Variants in ATP2B2 observed in about 807,000 individuals in gnomAD.
ATP2B2 encodes ATPase plasma membrane Ca2+ transporting 2, also known as plasma membrane calcium-transporting ATPase 2.
Under a neutral mutation model 120.0 loss-of-function variants are expected in ATP2B2, and 15 were observed. The ratio of observed to expected loss-of-function variants is 0.12; its 90% CI spans 0.08 to 0.19. The LOEUF (loss-of-function observed/expected upper bound fraction) is 0.19. Ranked by LOEUF, ATP2B2 falls within the 10% of genes least tolerant of loss-of-function variation. The pLI, the probability that ATP2B2 is intolerant of heterozygous loss-of-function variation, is 1.00. For synonymous variants in ATP2B2, 694 were observed against 700.3 expected (o/e 0.99, Z 0.14); for missense variants, 1,045 against 1,719.8 (o/e 0.61, Z 6.94).
chr3:10,477,913 T>A (rs544195835), intron 1 of ATP2B2, among the ~76,000 whole-genome samples: 1 of 152,354 alleles, frequency 6.6e-6, no homozygotes, highest in South Asian at 2.1e-4. Flanking sequence ...AGTAGTGGAA[T>A]TGCTGGATCG....
chr3:10,665,711 C>T (rs535936397), intron 1 of ATP2B2, among the ~76,000 whole-genome samples: 35 of 152,222 alleles, frequency 2.3e-4, no homozygotes, highest in Non-Finnish European at 2.8e-4. Context: ...AAAATTTAGG[C>T]TCAGCTCCCC....
chr3:10,705,290 C>T (rs1048385394), intron 1 of ATP2B2, among the ~76,000 whole-genome samples: 35 of 152,234 alleles, frequency 2.3e-4, no homozygotes, highest in Admixed American at 1.7e-3. Context: ...AGACCTAACT[C>T]TTGTCCTGTT....
intron 1 of ATP2B2, among the ~76,000 whole-genome samples, chr3:10,480,310 T>C (rs543571212): frequency 4.1e-4 from 62 of 152,282 alleles, no homozygotes; most frequent in African/African-American, 1.5e-3. Flanking sequence ...TTAGAAAAGA[T>C]GATGCATATG....
intron 1 of ATP2B2, among the ~76,000 whole-genome samples, chr3:10,648,424 G>A (rs923544946): frequency 4.6e-5 from 7 of 152,198 alleles, no homozygotes; most frequent in African/African-American, 1.7e-4. Flanking sequence ...GGAGGCCCCT[G>A]AGGCTTGGGC....
At chr3:10,333,971 A>T (rs1405940400) in intron 22 of ATP2B2, among the ~76,000 whole-genome samples, 1 of 152,238 alleles carries the variant, frequency 6.6e-6, no homozygotes, top group Non-Finnish European at 1.5e-5. Context: ...TTCTGCAGAA[A>T]TGAAGAAAAG....
intron 2 of ATP2B2, among the ~76,000 whole-genome samples, chr3:10,429,446 T>C (rs1392158322): frequency 6.6e-6 from 1 of 152,244 alleles, no homozygotes; most frequent in African/African-American, 2.4e-5. Flanking sequence ...TTTTTCATGA[T>C]GATTAAATCT....
At chr3:10,696,618 T>G (rs1438338549) in intron 1 of ATP2B2, among the ~76,000 whole-genome samples, 3 of 152,200 alleles carry the variant, frequency 2.0e-5, no homozygotes, top group Non-Finnish European at 2.9e-5. Context: ...TTCCCTCTGC[T>G]TCACAGCAAC....
intron 1 of ATP2B2, among the ~76,000 whole-genome samples, chr3:10,639,453 C>T (rs1005416729): frequency 1.1e-4 from 17 of 152,126 alleles, no homozygotes; most frequent in African/African-American, 4.1e-4. Context: ...CTCACTGTAT[C>T]CTCAAATGGT....
At position 10,325,559 on chromosome 3, in the gene ATP2B2, T is replaced by C. The variant is rs1275358475; in HGVS notation, c.*3255A>G. 1 of 152,220 alleles carries C rather than the reference T, an allele frequency of 6.6e-6. No homozygotes were observed. The highest frequency in any genetic ancestry group is 6.5e-5 in the Admixed American group (1 of 15,290). The allele number at this position is 152,220 out of a possible 1,614,324, so 9.4% of individuals were successfully genotyped here. On this transcript the variant is annotated 3_prime_UTR_variant, in exon 23 of 23. Transcript: ENST00000360273. ...AGTCCTTTGAGCCAGTGCAGTCATT[T>C]TAATTGGTCCAGTCTCAGAAATAGG...
chr3:10,698,282 T>C (rs2071769180), intron 1 of ATP2B2, among the ~76,000 whole-genome samples: 1 of 152,182 alleles, frequency 6.6e-6, no homozygotes, highest in African/African-American at 2.4e-5. Flanking sequence ...CCTGGGGTGC[T>C]GTGAGATATT....
At chr3:10,438,851 C>T (rs1473117558) in intron 2 of ATP2B2, among the ~76,000 whole-genome samples, 1 of 152,228 alleles carries the variant, frequency 6.6e-6, no homozygotes, top group Non-Finnish European at 1.5e-5. Context: ...CATTTCTCAC[C>T]CCTTAGGCCC....
chr3:10,418,028 C>T (rs2062848586), intron 2 of ATP2B2, among the ~76,000 whole-genome samples: 1 of 152,136 alleles, frequency 6.6e-6, no homozygotes, highest in Non-Finnish European at 1.5e-5. Context: ...TTACACAGGC[C>T]TTTGGGGTGA....
intron 1 of ATP2B2, among the ~76,000 whole-genome samples, chr3:10,485,614 G>A (rs540798751): frequency 1.3e-5 from 2 of 152,202 alleles, no homozygotes; most frequent in African/African-American, 4.8e-5. Flanking sequence ...TCTGCTCACT[G>A]CCAGATTTTC....
In ATP2B2 at chr3:10,431,594, T is replaced by C. The variant is rs1204621707; in HGVS notation, c.199+17751A>G. On this transcript the variant is annotated intron_variant, in intron 2 of 22. Transcript: ENST00000360273. ...TGGATGCCTATACTTGCTTTTTTGC[T>C]TGTCACACGCACACACAAAGCCAAA... Among the ~76,000 whole-genome samples, 6 of 152,196 alleles carry C rather than the reference T, an allele frequency of 3.9e-5. No homozygotes were observed. The East Asian group carries it at 1.2e-3, about 29-fold the overall frequency.
At chr3:10,612,057 C>T (rs546379274) in intron 2 of ATP2B2, among the ~76,000 whole-genome samples, 67 of 152,278 alleles carry the variant, frequency 4.4e-4, no homozygotes, top group Middle Eastern at 3.4e-3. Flanking sequence ...CCCATCTCTC[C>T]TCTCCAACCA....
chr3:10,349,689 C>T (rs17032711), intron 16 of ATP2B2, among the ~76,000 whole-genome samples: 5,904 of 151,932 alleles, frequency 0.039, 156 homozygotes, highest in South Asian at 0.065. Context: ...AGACTGAGAA[C>T]GAGTGAAGTA....
intron 1 of ATP2B2, among the ~76,000 whole-genome samples, chr3:10,623,681 T>G (rs1441470269): frequency 6.6e-6 from 1 of 152,230 alleles, no homozygotes; most frequent in Non-Finnish European, 1.5e-5. Flanking sequence ...TTCCAGTATG[T>G]ACCTGGTTCT....
At chr3:10,357,244 A>G (rs745871738) in intron 14 of ATP2B2, among the ~76,000 whole-genome samples, 17 of 152,168 alleles carry the variant, frequency 1.1e-4, no homozygotes, top group Non-Finnish European at 1.9e-4. Flanking sequence ...CTGAGCCTTC[A>G]TGATATCCCA....
At chr3:10,649,782 C>G (rs2070407490) in intron 1 of ATP2B2, among the ~76,000 whole-genome samples, 1 of 152,160 alleles carries the variant, frequency 6.6e-6, no homozygotes, top group South Asian at 2.1e-4. Flanking sequence ...CTGTTCTGTT[C>G]TCATGATAGT....
Sources: allele counts gnomAD v4.1 joint callset (sites outside exome capture counted in the v4.1 genomes callset), GRCh38; gene constraint gnomAD v4.1.1; transcripts MANE v1.5; gene names NCBI Gene and HGNC (gene_info 2026-07-23, HGNC 2026-07-21).